GRID2: variants seen among roughly 807,000 people sequenced by gnomAD.
GRID2 encodes glutamate receptor ionotropic, delta-2.
In GRID2, 33 loss-of-function variants were observed where a neutral mutation model predicts 114.8. That is an observed-to-expected ratio of 0.29 (90% CI 0.22 to 0.38). The LOEUF (loss-of-function observed/expected upper bound fraction) is 0.38. Ranked by LOEUF, GRID2 falls within the 10% of genes least tolerant of loss-of-function variation. GRID2 has a pLI of 1.00. For synonymous variants in GRID2, 505 were observed against 449.9 expected (o/e 1.12, Z -1.55); for missense variants, 1,184 against 1,257.7 (o/e 0.94, Z 0.89).
At chr4:92,350,079 G>A (rs1025333559) in intron 1 of GRID2, among the ~76,000 whole-genome samples, 3 of 151,872 alleles carry the variant, frequency 2.0e-5, no homozygotes, top group African/African-American at 7.2e-5. Context: ...AGTGACCGTA[G>A]GTCAGTGCTC....
intron 2 of GRID2, among the ~76,000 whole-genome samples, chr4:92,709,589 A>AAATATATATATATAT (rs779775767): frequency 1.3e-4 from 15 of 114,636 alleles, no homozygotes; most frequent in African/African-American, 3.8e-4. Context: ...AAAAAAAAAA[A>AAATATATATATATAT]ATATATATAT....
intron 5 of GRID2, among the ~76,000 whole-genome samples, chr4:93,216,387 A>G (rs965263849): frequency 6.6e-6 from 1 of 151,656 alleles, no homozygotes; most frequent in South Asian, 2.1e-4. Context: ...ATAATAAACT[A>G]TAATAGCAAC....
Position 92,394,882 on chromosome 4 carries a change from TTTG to T in GRID2, c.88+90141_88+90143del, listed in dbSNP as rs536805584. Among the ~76,000 whole-genome samples the T allele has an allele frequency of 3.3e-5, 5 of 151,866 alleles. No homozygotes were observed. In the East Asian group the frequency reaches 9.7e-4, roughly 29 times the overall value. On this transcript the variant is annotated intron_variant, in intron 1 of 15. Transcript: ENST00000282020. Reference sequence around the variant, plus strand: ...ATTTAGTTTCCTCTTAGTGTGTAATTTTGTTATTTTATATTTGTGTAATATTAT... The same window carrying T: ...ATTTAGTTTCCTCTTAGTGTGTAATTTTATTTTATATTTGTGTAATATTAT...
chr4:92,665,291 A>C lies in GRID2; in HGVS notation c.244+75005A>C, dbSNP rs528463282. ...TAAGCCATTTTAACTTCAATAACAA[A>C]AAAAAAAAAAACCTCTGCTCCTTGG... On this transcript the variant is annotated intron_variant, in intron 2 of 15. Transcript: ENST00000282020. 2.4e-3 allele frequency among the ~76,000 whole-genome samples: 362 copies of C among 150,556 alleles called. 2 individuals are homozygous for C. Among genetic ancestry groups the C allele is most frequent in the African/African-American group, 8.4e-3 (345 of 41,302 alleles).
At chr4:93,809,637 A>C (rs536086663) in exon 2 of GRID2, 1 of 152,338 alleles carries the variant, frequency 6.6e-6, no homozygotes, top group South Asian at 2.1e-4. Context: ...GGCAGATCAC[A>C]GGGAAAAATC....
At chr4:93,105,482 G>A in intron 3 of GRID2, among the ~76,000 whole-genome samples, 1 of 152,016 alleles carries the variant, frequency 6.6e-6, no homozygotes, top group Non-Finnish European at 1.5e-5. Context: ...ATTAATTTTT[G>A]TATAAGGTGT....
At chr4:93,251,783 G>A (rs922320525) in intron 8 of GRID2, among the ~76,000 whole-genome samples, 12 of 152,082 alleles carry the variant, frequency 7.9e-5, no homozygotes, top group African/African-American at 2.9e-4. Context: ...TCTGTTCTTG[G>A]ATTAGTATGC....
intron 2 of GRID2, among the ~76,000 whole-genome samples, chr4:92,603,331 T>C (rs991652026): frequency 2.0e-5 from 3 of 152,060 alleles, no homozygotes; most frequent in South Asian, 4.1e-4. Context: ...AACAGCATGG[T>C]ACTGACAGAA....
At chr4:92,714,391 A>G (rs183599611) in intron 2 of GRID2, among the ~76,000 whole-genome samples, 14 of 152,278 alleles carry the variant, frequency 9.2e-5, no homozygotes, top group Admixed American at 3.3e-4. Flanking sequence ...CAGCTTTTCC[A>G]GGCACATTAT....
intron 2 of GRID2, among the ~76,000 whole-genome samples, chr4:92,950,652 C>A (rs980537425): frequency 2.0e-5 from 3 of 152,082 alleles, no homozygotes; most frequent in African/African-American, 7.2e-5. Context: ...CGAAGCATGG[C>A]AATGCAATAC....
At chr4:92,735,099 C>T (rs1386091426) in intron 2 of GRID2, among the ~76,000 whole-genome samples, 1 of 151,854 alleles carries the variant, frequency 6.6e-6, no homozygotes, top group African/African-American at 2.4e-5. Flanking sequence ...ATTTCATTTA[C>T]CTATTTAGAA....
At chr4:93,285,592 A>C (rs1204324504) in intron 8 of GRID2, among the ~76,000 whole-genome samples, 4 of 152,010 alleles carry the variant, frequency 2.6e-5, no homozygotes, top group Non-Finnish European at 5.9e-5. Flanking sequence ...ACTTTTTTCT[A>C]TGTGTACTAT....
intron 2 of GRID2, among the ~76,000 whole-genome samples, chr4:92,648,103 A>G (rs955969220): frequency 2.0e-5 from 3 of 149,994 alleles, no homozygotes; most frequent in African/African-American, 5.0e-5. Context: ...TTTACCTTGT[A>G]TAATGACAAT....
intron 11 of GRID2, among the ~76,000 whole-genome samples, chr4:93,485,853 C>T (rs892504915): frequency 4.0e-5 from 6 of 151,640 alleles, no homozygotes; most frequent in Admixed American, 2.0e-4. Flanking sequence ...ATAAACTTTA[C>T]ATTCAGCTTC....
At chr4:93,260,253 A>G (rs1313439449) in intron 8 of GRID2, among the ~76,000 whole-genome samples, 1 of 151,696 alleles carries the variant, frequency 6.6e-6, no homozygotes, top group African/African-American at 2.4e-5. Context: ...AATTTCCTAT[A>G]TAGTTTAAAT....
chr4:92,758,499 A>T (rs1423204801), intron 2 of GRID2, among the ~76,000 whole-genome samples: 1 of 152,100 alleles, frequency 6.6e-6, no homozygotes, highest in African/African-American at 2.4e-5. Context: ...AGGCCTGACT[A>T]CAACAGGTTA....
intron 1 of GRID2, among the ~76,000 whole-genome samples, chr4:92,356,795 A>T (rs1467734872): frequency 6.6e-6 from 1 of 151,794 alleles, no homozygotes; most frequent in Non-Finnish European, 1.5e-5. Context: ...TGCAAAAAGG[A>T]TTGAAATTTT....
intron 2 of GRID2, among the ~76,000 whole-genome samples, chr4:92,699,129 A>G (rs1414374533): frequency 1.3e-5 from 2 of 152,168 alleles, no homozygotes; most frequent in African/African-American, 4.8e-5. Context: ...GTTCTATCTA[A>G]AAAATAGTTA....
At chr4:93,001,217 T>C (rs1386014370) in intron 2 of GRID2, among the ~76,000 whole-genome samples, 1 of 151,736 alleles carries the variant, frequency 6.6e-6, no homozygotes, top group African/African-American at 2.4e-5. Context: ...CATGAAACTA[T>C]AATTTATTTA....
Sources: allele counts gnomAD v4.1 joint callset (sites outside exome capture counted in the v4.1 genomes callset), GRCh38; gene constraint gnomAD v4.1.1; transcripts MANE v1.5; gene names NCBI Gene and HGNC (gene_info 2026-07-23, HGNC 2026-07-21).